The following CLNK variants were observed in gnomAD, a reference collection of about 807,000 sequenced individuals.
CLNK encodes the protein cytokine-dependent hematopoietic cell linker.
Under a neutral mutation model 68.6 loss-of-function variants are expected in CLNK, and 74 were observed. That is an observed-to-expected ratio of 1.08 (90% confidence interval 0.89 to 1.31). The LOEUF is 1.31. CLNK is among the 50% of genes most tolerant of loss of function. The probability of loss-of-function intolerance (pLI) is 0.00; values close to 1 mark genes in which losing one functional copy is unlikely to be tolerated. For synonymous variants in CLNK, 198 were observed against 172.2 expected (o/e 1.15, Z -1.17); for missense variants, 553 against 515.3 (o/e 1.07, Z -0.71).
chr4:10,643,002 A>C (rs1307123609), intron 2 of CLNK, among the ~76,000 whole-genome samples: 2 of 152,208 alleles, frequency 1.3e-5, no homozygotes, highest in African/African-American at 4.8e-5. Context: ...ATATATACGC[A>C]CACATACAGA....
intron 2 of CLNK, among the ~76,000 whole-genome samples, chr4:10,624,438 G>T (rs542774690): frequency 3.9e-5 from 6 of 151,956 alleles, no homozygotes; most frequent in Non-Finnish European, 8.8e-5. Context: ...GACTATAGGC[G>T]CCCGCCACCA....
intron 2 of CLNK, among the ~76,000 whole-genome samples, chr4:10,623,118 T>C (rs1483566318): frequency 6.6e-6 from 1 of 152,212 alleles, no homozygotes; most frequent in East Asian, 1.9e-4. Context: ...AGATTTTAAA[T>C]ATTAATTAAA....
the CLNK span, among the ~76,000 whole-genome samples, chr4:10,732,763 C>T: frequency 6.6e-6 from 1 of 151,884 alleles, no homozygotes; most frequent in Non-Finnish European, 1.5e-5. Context: ...AATAAATAGC[C>T]ACAGGAAGCC....
intron 3 of CLNK, among the ~76,000 whole-genome samples, chr4:10,592,161 A>G (rs1721202737): frequency 6.6e-6 from 1 of 152,232 alleles, no homozygotes; most frequent in Non-Finnish European, 1.5e-5. Flanking sequence ...TTTATTATTT[A>G]AATCTCATAT....
intron 1 of CLNK, among the ~76,000 whole-genome samples, chr4:10,682,139 G>GTA (rs1473651078): frequency 3.3e-5 from 5 of 151,812 alleles, no homozygotes; most frequent in Non-Finnish European, 5.9e-5. Context: ...GTGTATGTGT[G>GTA]TGTGTGTGTG....
chr4:10,723,919 A>AGACAGAGAGAGAGAGATCGAGGGAGAG, the CLNK span, among the ~76,000 whole-genome samples: 4 of 148,026 alleles, frequency 2.7e-5, no homozygotes, highest in Non-Finnish European at 4.5e-5. Context: ...AGAGAGAGAG[A>AGACAGAGAGAGAGAGATCGAGGGAGAG]AGGCAGGGCA....
chr4:10,661,761 G>T (rs762907135), intron 2 of CLNK, among the ~76,000 whole-genome samples: 3 of 152,116 alleles, frequency 2.0e-5, no homozygotes, highest in Non-Finnish European at 2.9e-5. Context: ...TGACTTGAAG[G>T]TGACTTTGTT....
At position 10,490,367 on chromosome 4, in the gene CLNK, A is replaced by T. The variant is rs1716516514; in HGVS notation, c.*100T>A. 7.7e-7 allele frequency: 1 copy of T among 1,303,120 alleles called. No homozygotes were observed. The allele number at this position is 1,303,120 out of a possible 1,614,324, so 80.7% of individuals were successfully genotyped here. On this transcript the variant is annotated 3_prime_UTR_variant, in exon 19 of 19. Transcript: ENST00000226951. Reference sequence around the variant, plus strand: ...AGTGTTTTTCTTTTCTCCAAAGTTAAAAAAGTTGTCCCTTGAAGGCACAGA... The same window carrying T: ...AGTGTTTTTCTTTTCTCCAAAGTTATAAAAGTTGTCCCTTGAAGGCACAGA...
At chr4:10,553,924 C>T (rs1719563426) in intron 8 of CLNK, among the ~76,000 whole-genome samples, 1 of 152,180 alleles carries the variant, frequency 6.6e-6, no homozygotes, top group Non-Finnish European at 1.5e-5. Context: ...AGAGCTGGGG[C>T]TGCTTAAAGG....
At chr4:10,645,446 C>T (rs1459685871) in intron 2 of CLNK, among the ~76,000 whole-genome samples, 2 of 152,132 alleles carry the variant, frequency 1.3e-5, no homozygotes, top group South Asian at 2.1e-4. Flanking sequence ...CCTCTCCTTT[C>T]GGAGGGTAAG....
the CLNK span, among the ~76,000 whole-genome samples, chr4:10,715,669 A>G: frequency 2.0e-5 from 3 of 152,208 alleles, no homozygotes; most frequent in East Asian, 5.8e-4. Flanking sequence ...CTTCAGGTAC[A>G]TAGATTATAA....
At chr4:10,502,696 G>A (rs1717105020) in intron 17 of CLNK, among the ~76,000 whole-genome samples, 1 of 151,920 alleles carries the variant, frequency 6.6e-6, no homozygotes, top group East Asian at 1.9e-4. Flanking sequence ...CAGAATTAGG[G>A]TTCCTGAAAG....
At position 10,550,253 on chromosome 4, in the gene CLNK, G is replaced by T. The variant is rs567810795; in HGVS notation, c.446-7973C>A. ...TCAAGCCTGTAATCCCAGCACTTTG[G>T]GAGGCCGAGGCGGGCGGATGACGAG... On this transcript the variant is annotated intron_variant, in intron 8 of 18. Coordinates refer to ENST00000226951, the MANE Select transcript of CLNK (RefSeq NM_052964.4). Among the ~76,000 whole-genome samples, 761 of 152,282 alleles carry T rather than the reference G, an allele frequency of 5.0e-3. 5 individuals carry two copies. Among genetic ancestry groups the T allele is most frequent in the African/African-American group, 0.018 (748 of 41,544 alleles).
At chr4:10,655,231 A>G (rs1723922451) in intron 2 of CLNK, among the ~76,000 whole-genome samples, 1 of 152,070 alleles carries the variant, frequency 6.6e-6, no homozygotes. Context: ...CTAGAGATAT[A>G]TAACATGTTC....
At chr4:10,638,431 C>G in intron 2 of CLNK, among the ~76,000 whole-genome samples, 1 of 151,902 alleles carries the variant, frequency 6.6e-6, no homozygotes, top group Non-Finnish European at 1.5e-5. Flanking sequence ...GTGGCTTTGG[C>G]GAAAAGCAGA....
At chr4:10,496,856 A>G (rs1716828914) in intron 18 of CLNK, among the ~76,000 whole-genome samples, 1 of 152,232 alleles carries the variant, frequency 6.6e-6, no homozygotes, top group South Asian at 2.1e-4. Flanking sequence ...GGAAACCTCT[A>G]GCAGATATTT....
intron 18 of CLNK, among the ~76,000 whole-genome samples, chr4:10,497,880 A>T (rs1357168597): frequency 6.6e-6 from 1 of 152,200 alleles, no homozygotes; most frequent in Non-Finnish European, 1.5e-5. Context: ...GAACCCTTAA[A>T]CCCAAGCATT....
chr4:10,661,483 G>A (rs1577204123), intron 2 of CLNK, among the ~76,000 whole-genome samples: 1 of 152,204 alleles, frequency 6.6e-6, no homozygotes, highest in Non-Finnish European at 1.5e-5. Context: ...AAATATGTCA[G>A]TTTTATTCCT....
chr4:10,709,894 C>T, the CLNK span, among the ~76,000 whole-genome samples: 31 of 152,144 alleles, frequency 2.0e-4, no homozygotes, highest in Non-Finnish European at 3.4e-4. Context: ...GGCCAACACC[C>T]CTGCTGACAT....
Sources: gnomAD v4.1 joint callset for allele counts (sites outside exome capture counted in the v4.1 genomes callset) on GRCh38, gnomAD v4.1.1 for gene constraint, MANE v1.5 for transcripts, NCBI Gene and HGNC (gene_info 2026-07-23, HGNC 2026-07-21) for gene names.